The following WDFY3 variants were observed in gnomAD, a reference collection of about 807,000 sequenced individuals.
WDFY3 encodes WD repeat and FYVE domain-containing protein 3.
A neutral mutation model predicts 409.6 loss-of-function variants in WDFY3; 66 were observed. That is an observed-to-expected ratio of 0.16 (90% CI 0.13 to 0.20). The LOEUF (loss-of-function observed/expected upper bound fraction) is 0.20. Among genes scored for constraint, WDFY3 ranks in the 10% least tolerant of loss-of-function variants. The pLI is 1.00. For synonymous variants in WDFY3, 1,521 were observed against 1,537.1 expected, an observed-to-expected ratio of 0.99 and a Z score of 0.25; for missense variants, 3,031 against 4,298.1, an observed-to-expected ratio of 0.71 and a Z score of 8.24.
intron 50 of WDFY3, 53 bp from the exon 51 acceptor site, chr4:84,713,292 A>G (rs770828370): frequency 2.0e-6 from 3 of 1,505,252 alleles, no homozygotes; most frequent in Non-Finnish European, 2.8e-6. Context: ...GTCAGGATCT[A>G]ATGGGAAGCC....
Position 84,801,883 on chromosome 4 carries a change from T to C in WDFY3, c.2608-19A>G. The C allele has an allele frequency of 6.2e-7, 1 of 1,607,364 alleles. No individual in the cohort carries two copies. Among genetic ancestry groups the C allele is most frequent in the Non-Finnish European group, 8.5e-7 (1 of 1,174,412 alleles). ...AAGCATGCTAAAATCAACAAAGAAA[T>C]CCACACAGTCAGGTCATTCTTAGTG... On this transcript the variant is annotated intron_variant, in intron 16 of 67. Coordinates refer to ENST00000295888, the MANE Select transcript of WDFY3 (RefSeq NM_014991.6).
chr4:84,832,455 A>G (rs187110039), intron 7 of WDFY3, among the ~76,000 whole-genome samples: 142 of 152,318 alleles, frequency 9.3e-4, no homozygotes, highest in Admixed American at 1.8e-3. Flanking sequence ...AATGTATTGT[A>G]TATTTTTAAA....
At chr4:84,871,111 T>C (rs181523932) in intron 3 of WDFY3, among the ~76,000 whole-genome samples, 53 of 152,062 alleles carry the variant, frequency 3.5e-4, no homozygotes, top group African/African-American at 1.3e-3. Context: ...AAACCACAGA[T>C]ACAGGAAGCC....
At chr4:84,695,501 G>GAGAGAGAC (rs1560544125) in intron 58 of WDFY3, among the ~76,000 whole-genome samples, 60 of 131,622 alleles carry the variant, frequency 4.6e-4, no homozygotes, top group African/African-American at 1.9e-3. Flanking sequence ...CACAGAGACA[G>GAGAGAGAC]AGAGAGATAG....
chr4:84,882,081 C>T (rs1251302462), intron 3 of WDFY3, among the ~76,000 whole-genome samples: 1 of 152,102 alleles, frequency 6.6e-6, no homozygotes, highest in Non-Finnish European at 1.5e-5. Context: ...TCTTTGCTCT[C>T]TGTAAGAATG....
chr4:84,862,639 TAG>T (rs917483778), intron 3 of WDFY3, among the ~76,000 whole-genome samples: 13 of 152,252 alleles, frequency 8.5e-5, no homozygotes, highest in African/African-American at 3.1e-4. Context: ...GTTGATAATC[TAG>T]AGATAGTGGA....
At chr4:84,948,966 C>T (rs528748583) in intron 1 of WDFY3, among the ~76,000 whole-genome samples, 1 of 152,226 alleles carries the variant, frequency 6.6e-6, no homozygotes, top group South Asian at 2.1e-4. Flanking sequence ...GCTTCTTCCC[C>T]TTGAATTCCC....
intron 17 of WDFY3, among the ~76,000 whole-genome samples, chr4:84,799,749 A>G (rs1276233149): frequency 2.0e-5 from 3 of 152,228 alleles, no homozygotes; most frequent in African/African-American, 7.2e-5. Context: ...AAAAAGGCTT[A>G]CAAGTTAGGT....
intron 1 of WDFY3, among the ~76,000 whole-genome samples, chr4:84,952,285 A>G (rs1773706957): frequency 2.0e-5 from 3 of 152,200 alleles, no homozygotes; most frequent in African/African-American, 7.2e-5. Context: ...TCAGATATAA[A>G]TCTAGGTCTC....
chr4:84,701,257 G>A (rs1180973396), intron 56 of WDFY3, among the ~76,000 whole-genome samples: 3 of 152,176 alleles, frequency 2.0e-5, no homozygotes, highest in Non-Finnish European at 4.4e-5. Flanking sequence ...CTGCTCAAGG[G>A]TGAGCTCTAG....
At chr4:84,764,346 T>C (rs527439173) in intron 32 of WDFY3, among the ~76,000 whole-genome samples, 1 of 152,172 alleles carries the variant, frequency 6.6e-6, no homozygotes, top group African/African-American at 2.4e-5. Context: ...TATCTGTAGA[T>C]TAAATCCTTC....
At chr4:84,858,933 G>A (rs1760149770) in intron 4 of WDFY3, among the ~76,000 whole-genome samples, 1 of 151,926 alleles carries the variant, frequency 6.6e-6, no homozygotes, top group Non-Finnish European at 1.5e-5. Context: ...AGGACAGAAA[G>A]ACAGTGATGG....
intron 2 of WDFY3, among the ~76,000 whole-genome samples, chr4:84,931,438 T>C (rs1173398580): frequency 6.6e-6 from 1 of 152,128 alleles, no homozygotes; most frequent in Non-Finnish European, 1.5e-5. Flanking sequence ...TGGGAGGCAG[T>C]GGCAAGCAGG....
At chr4:84,961,888 A>ATGATAT (rs1251609426) in intron 1 of WDFY3, among the ~76,000 whole-genome samples, 12 of 152,192 alleles carry the variant, frequency 7.9e-5, no homozygotes, top group African/African-American at 2.9e-4. Flanking sequence ...CAGTAGTTCA[A>ATGATAT]TAAAAAGGTT....
chr4:84,795,870 T>G (rs1749349600), intron 19 of WDFY3, among the ~76,000 whole-genome samples: 1 of 152,190 alleles, frequency 6.6e-6, no homozygotes, highest in African/African-American at 2.4e-5. Context: ...TCTTATAGAT[T>G]TTTTAGATTC....
intron 3 of WDFY3, among the ~76,000 whole-genome samples, chr4:84,882,340 T>A (rs1763650375): frequency 6.6e-6 from 1 of 152,158 alleles, no homozygotes; most frequent in African/African-American, 2.4e-5. Context: ...GAATCTGGCG[T>A]GAGGTCAGTA....
At chr4:84,851,331 C>T (rs904082997) in intron 4 of WDFY3, among the ~76,000 whole-genome samples, 1 of 151,940 alleles carries the variant, frequency 6.6e-6, no homozygotes, top group African/African-American at 2.4e-5. Context: ...ATTATTATTA[C>T]CTATTGAAAT....
At chr4:84,872,059 G>A (rs1197961621) in intron 3 of WDFY3, among the ~76,000 whole-genome samples, 1 of 152,114 alleles carries the variant, frequency 6.6e-6, no homozygotes, top group Non-Finnish European at 1.5e-5. Flanking sequence ...GAGGAGGGAG[G>A]AGCTGGTAAT....
At chr4:84,938,457 T>C (rs934947109) in intron 1 of WDFY3, among the ~76,000 whole-genome samples, 1 of 152,184 alleles carries the variant, frequency 6.6e-6, no homozygotes, top group Non-Finnish European at 1.5e-5. Flanking sequence ...TTTTAGACTC[T>C]GGCCGTCCAC....
Sources: gnomAD v4.1 joint callset for allele counts (sites outside exome capture counted in the v4.1 genomes callset) on GRCh38, gnomAD v4.1.1 for gene constraint, MANE v1.5 for transcripts, NCBI Gene and HGNC (gene_info 2026-07-23, HGNC 2026-07-21) for gene names.